Variants in ADAM10 observed in about 807,000 individuals in gnomAD.
ADAM10 encodes the protein disintegrin and metalloproteinase domain-containing protein 10.
Under a neutral mutation model 90.1 loss-of-function variants are expected in ADAM10, and 17 were observed. That is an observed-to-expected ratio of 0.19 (90% CI 0.13 to 0.28). ADAM10 has a LOEUF of 0.28. Ranked by LOEUF, ADAM10 falls within the 10% of genes least tolerant of loss-of-function variation. The pLI is 1.00. For missense variants in ADAM10, 610 were observed against 914.3 expected, an observed-to-expected ratio of 0.67 and a Z score of 4.29; for synonymous variants, 310 against 298.6, an observed-to-expected ratio of 1.04 and a Z score of -0.40.
intron 11 of ADAM10, among the ~76,000 whole-genome samples, chr15:58,619,843 G>A (rs893858871): frequency 2.0e-5 from 3 of 151,946 alleles, no homozygotes; most frequent in African/African-American, 4.8e-5. Flanking sequence ...GGCGGAGCTT[G>A]TAGTGAGCAG....
chr15:58,627,306 C>T (rs1895975939), intron 10 of ADAM10, among the ~76,000 whole-genome samples: 1 of 152,014 alleles, frequency 6.6e-6, no homozygotes. Flanking sequence ...AAGAAAGTTC[C>T]GGGGTGACAG....
At chr15:58,709,770 A>AC (rs1898414484) in intron 2 of ADAM10, among the ~76,000 whole-genome samples, 1 of 152,018 alleles carries the variant, frequency 6.6e-6, no homozygotes, top group Non-Finnish European at 1.5e-5. Flanking sequence ...AAAATACACC[A>AC]CTAAATAAGC....
At position 58,592,175 on chromosome 15, in the gene ADAM10, C is replaced by A. The variant is rs909193001; in HGVS notation, c.*5372G>T. On this transcript the variant is annotated 3_prime_UTR_variant, in exon 16 of 16. Coordinates refer to ENST00000260408, the MANE Select transcript of ADAM10 (RefSeq NM_001110.4). ...AACTGCTTCATAGGTGGTATATGTA[C>A]TTCCATTAGGAGGCACAAAATCTGA... 13 of 152,212 alleles carry A rather than the reference C, an allele frequency of 8.5e-5. No homozygotes were observed. The highest frequency in any genetic ancestry group is 2.9e-4 in the African/African-American group (12 of 41,450). The allele number at this position is 152,212 out of a possible 1,614,324, so 9.4% of individuals were successfully genotyped here. A position where few individuals can be genotyped will look rare whatever the true frequency, so the allele number is the denominator to read the frequency against.
At chr15:58,660,621 A>G (rs1466037965) in intron 5 of ADAM10, among the ~76,000 whole-genome samples, 1 of 152,120 alleles carries the variant, frequency 6.6e-6, no homozygotes, top group African/African-American at 2.4e-5. Flanking sequence ...ATTTAAACTT[A>G]CCACCTTGCT....
chr15:58,736,828 G>A (rs563590465), intron 1 of ADAM10, among the ~76,000 whole-genome samples: 2 of 152,122 alleles, frequency 1.3e-5, no homozygotes, highest in East Asian at 1.9e-4. Flanking sequence ...AGAGAAAACA[G>A]ATCCTTTATC....
At chr15:58,655,739 A>ATATATATATAT (rs1309354113) in intron 5 of ADAM10, among the ~76,000 whole-genome samples, 1 of 80,548 alleles carries the variant, frequency 1.2e-5, no homozygotes, top group Non-Finnish European at 2.4e-5. Context: ...ATATATATAT[A>ATATATATATAT]TTCTTTTTTT....
intron 11 of ADAM10, 144 bp from the exon 12 acceptor site, chr15:58,612,135 C>T: frequency 1.2e-6 from 1 of 867,602 alleles, no homozygotes; most frequent in East Asian, 2.7e-5. Flanking sequence ...AAGTATGTTA[C>T]TGGTATACAA....
chr15:58,734,951 G>T (rs150787995), intron 1 of ADAM10, among the ~76,000 whole-genome samples: 1 of 152,134 alleles, frequency 6.6e-6, no homozygotes, highest in Non-Finnish European at 1.5e-5. Flanking sequence ...CCCTTGTACT[G>T]CTTACTACCT....
Position 58,717,561 on chromosome 15 carries a change from C to G in ADAM10, c.206+16G>C, listed in dbSNP as rs1898703680. On this transcript the variant is annotated intron_variant, in intron 2 of 15. Coordinates refer to ENST00000260408, the MANE Select transcript of ADAM10 (RefSeq NM_001110.4). Reference sequence around the variant, plus strand: ...ATAGAGGAACTTCAGACACAGTCAGCAATAAATTTACTTACCTTCCATGGG... The same window carrying G: ...ATAGAGGAACTTCAGACACAGTCAGGAATAAATTTACTTACCTTCCATGGG... 6.2e-7 allele frequency: 1 copy of G among 1,613,504 alleles called. No homozygotes were observed. Among genetic ancestry groups the G allele is most frequent in the African/African-American group, 1.3e-5 (1 of 74,888 alleles).
chr15:58,660,674 T>C (rs1465336993), intron 5 of ADAM10, among the ~76,000 whole-genome samples: 1 of 152,198 alleles, frequency 6.6e-6, no homozygotes, highest in Non-Finnish European at 1.5e-5. Flanking sequence ...TTCCTTTTTC[T>C]CTTCTTCCTA....
chr15:58,647,838 C>T (rs1280477721), intron 5 of ADAM10, among the ~76,000 whole-genome samples: 1 of 152,152 alleles, frequency 6.6e-6, no homozygotes, highest in African/African-American at 2.4e-5. Flanking sequence ...CAGGCAGGAG[C>T]CACTGTGCCT....
chr15:58,647,543 G>T (rs1442141279), intron 5 of ADAM10, among the ~76,000 whole-genome samples: 1 of 150,796 alleles, frequency 6.6e-6, no homozygotes, highest in Non-Finnish European at 1.5e-5. Flanking sequence ...GGATTACAGA[G>T]CCACCACCCC....
At chr15:58,645,352 A>C (rs1033926049) in intron 6 of ADAM10, among the ~76,000 whole-genome samples, 1 of 152,202 alleles carries the variant, frequency 6.6e-6, no homozygotes, top group Non-Finnish European at 1.5e-5. Context: ...TTCACCATAT[A>C]CAGATAGCTC....
At chr15:58,650,852 CT>C (rs1401934855) in intron 5 of ADAM10, among the ~76,000 whole-genome samples, 1 of 152,030 alleles carries the variant, frequency 6.6e-6, no homozygotes, top group Non-Finnish European at 1.5e-5. Context: ...TTCTCTACTT[CT>C]TAAAAACAAT....
chr15:58,737,302 TTC>T (rs1718485444), intron 1 of ADAM10, among the ~76,000 whole-genome samples: 1 of 152,206 alleles, frequency 6.6e-6, no homozygotes, highest in Non-Finnish European at 1.5e-5. Context: ...TTTATGCGTG[TTC>T]TTTCTGTAAG....
rs761735181 is a variant in ADAM10, at chr15:58,646,188, T to A, written c.602A>T (p.His201Leu). Reference protein sequence around the residue: ...EEVTQIPQEEHAANGPELLRK... With the variant: ...EEVTQIPQEELAANGPELLRK... ...CAGAAGTTCTGGACCATTAGCAGCA[T>A]GTTCTTCTTGAGGTATCTATACATC... The change falls in exon 6 of 16, where the codon CAT becomes CTT. Residue 201 changes from histidine to leucine, a missense_variant. Transcript: ENST00000260408. 1.2e-6 allele frequency: 2 copies of A among 1,612,974 alleles called. No individual in the cohort carries two copies. Among genetic ancestry groups the A allele is most frequent in the Non-Finnish European group, 1.7e-6 (2 of 1,179,814 alleles).
At chr15:58,713,659 T>C (rs1898547259) in intron 2 of ADAM10, among the ~76,000 whole-genome samples, 1 of 152,204 alleles carries the variant, frequency 6.6e-6, no homozygotes, top group Non-Finnish European at 1.5e-5. Flanking sequence ...GAGATGTATT[T>C]TACCCTAATA....
At chr15:58,657,221 T>C (rs1489523853) in intron 5 of ADAM10, among the ~76,000 whole-genome samples, 1 of 152,234 alleles carries the variant, frequency 6.6e-6, no homozygotes, top group Non-Finnish European at 1.5e-5. Flanking sequence ...CACTTGAATG[T>C]TGATATCTTT....
At chr15:58,706,169 A>C (rs1174975796) in intron 2 of ADAM10, among the ~76,000 whole-genome samples, 3 of 152,194 alleles carry the variant, frequency 2.0e-5, no homozygotes, top group African/African-American at 7.2e-5. Context: ...CTTTTAACTG[A>C]AGTCATAATG....
Sources: allele counts gnomAD v4.1 joint callset (sites outside exome capture counted in the v4.1 genomes callset), GRCh38; gene constraint gnomAD v4.1.1; transcripts MANE v1.5; gene names NCBI Gene and HGNC (gene_info 2026-07-23, HGNC 2026-07-21).